Variants in ADAMTSL1 observed in about 807,000 individuals in gnomAD.
ADAMTSL1 encodes ADAMTS-like protein 1.
In ADAMTSL1, 126 loss-of-function variants were observed where a neutral mutation model predicts 201.8. That is an observed-to-expected ratio of 0.62 (90% CI 0.54 to 0.72). The LOEUF is 0.72. Ranked by LOEUF, ADAMTSL1 falls within the 30% of genes least tolerant of loss-of-function variation. The probability of loss-of-function intolerance (pLI) is 0.00; values close to 1 mark genes in which losing one functional copy is unlikely to be tolerated. For synonymous variants in ADAMTSL1, 1,121 were observed against 903.4 expected (o/e 1.24, Z -4.32); for missense variants, 2,679 against 2,277.8 (o/e 1.18, Z -3.59).
At chr9:18,772,058 A>G (rs1404074218) in intron 17 of ADAMTSL1, among the ~76,000 whole-genome samples, 1 of 152,220 alleles carries the variant, frequency 6.6e-6, no homozygotes, top group Non-Finnish European at 1.5e-5. Flanking sequence ...ATTTCAAGAT[A>G]TAAAGTGTGT....
intron 1 of ADAMTSL1, among the ~76,000 whole-genome samples, chr9:18,502,386 T>G (rs772466678): frequency 1.3e-5 from 2 of 152,222 alleles, no homozygotes; most frequent in African/African-American, 2.4e-5. Context: ...CCTCTCTCAG[T>G]AGTCAGCAAT....
intron 23 of ADAMTSL1, among the ~76,000 whole-genome samples, chr9:18,858,406 C>A (rs1280272740): frequency 6.6e-6 from 1 of 152,200 alleles, no homozygotes; most frequent in Admixed American, 6.5e-5. Flanking sequence ...CTCAACATCC[C>A]ATCCTGGACT....
intron 1 of ADAMTSL1, among the ~76,000 whole-genome samples, chr9:18,492,989 G>A (rs148183111): frequency 8.5e-5 from 13 of 152,278 alleles, no homozygotes; most frequent in African/African-American, 3.1e-4. Flanking sequence ...AAACTCAGCA[G>A]AACAGTAAAC....
At chr9:18,256,118 C>G (rs1233042420) in intron 2 of ADAMTSL1, among the ~76,000 whole-genome samples, 1 of 152,158 alleles carries the variant, frequency 6.6e-6, no homozygotes, top group Non-Finnish European at 1.5e-5. Context: ...TGACATAATG[C>G]TTCTCTGAGC....
chr9:17,936,786 C>T (rs747220552), intron 1 of ADAMTSL1, among the ~76,000 whole-genome samples: 15 of 152,176 alleles, frequency 9.9e-5, no homozygotes, highest in Admixed American at 1.3e-4. Context: ...CAGAAATTGG[C>T]CTGCTTTACT....
intron 1 of ADAMTSL1, among the ~76,000 whole-genome samples, chr9:18,016,448 A>G (rs1820265318): frequency 6.6e-6 from 1 of 151,914 alleles, no homozygotes; most frequent in African/African-American, 2.4e-5. Flanking sequence ...ATTCCATTGT[A>G]CTTGAAACTC....
At chr9:18,610,966 C>T (rs994162623) in intron 4 of ADAMTSL1, among the ~76,000 whole-genome samples, 1 of 152,138 alleles carries the variant, frequency 6.6e-6, no homozygotes, top group African/African-American at 2.4e-5. Context: ...CGGAGGTACA[C>T]GTGTGAGTTC....
chr9:18,508,605 C>G (rs1434585486), intron 2 of ADAMTSL1, among the ~76,000 whole-genome samples: 1 of 152,134 alleles, frequency 6.6e-6, no homozygotes, highest in Non-Finnish European at 1.5e-5. Flanking sequence ...GGGTTACAGC[C>G]TCATGTTTCA....
intron 23 of ADAMTSL1, among the ~76,000 whole-genome samples, chr9:18,849,010 A>G (rs1311130557): frequency 3.3e-5 from 5 of 152,358 alleles, no homozygotes; most frequent in Admixed American, 2.0e-4. Flanking sequence ...GAGCTGAGCT[A>G]TGGTCAAACC....
chr9:18,191,381 G>C (rs1303893201), intron 2 of ADAMTSL1, among the ~76,000 whole-genome samples: 1 of 152,138 alleles, frequency 6.6e-6, no homozygotes, highest in African/African-American at 2.4e-5. Flanking sequence ...TTGACTGGGA[G>C]GCCCAGAGAG....
chr9:18,328,387 G>A (rs919680836), intron 2 of ADAMTSL1, among the ~76,000 whole-genome samples: 3 of 152,206 alleles, frequency 2.0e-5, no homozygotes, highest in African/African-American at 7.2e-5. Context: ...GACATGAACT[G>A]TGACGTAACA....
intron 1 of ADAMTSL1, among the ~76,000 whole-genome samples, chr9:18,160,441 C>A (rs893078764): frequency 6.6e-6 from 1 of 151,968 alleles, no homozygotes; most frequent in South Asian, 2.1e-4. Context: ...GCCATACATA[C>A]AATTTCTCCA....
At chr9:18,053,333 C>T (rs1822022338) in intron 1 of ADAMTSL1, among the ~76,000 whole-genome samples, 3 of 151,954 alleles carry the variant, frequency 2.0e-5, no homozygotes, top group African/African-American at 7.3e-5. Flanking sequence ...CATTATATTG[C>T]ACTTTCATTC....
chr9:18,257,038 C>T (rs185444442), intron 2 of ADAMTSL1, among the ~76,000 whole-genome samples: 1 of 152,244 alleles, frequency 6.6e-6, no homozygotes, highest in East Asian at 1.9e-4. Flanking sequence ...ATATCTTCAA[C>T]TTATCTTAAA....
intron 2 of ADAMTSL1, among the ~76,000 whole-genome samples, chr9:18,529,300 T>C (rs1000935636): frequency 6.6e-6 from 1 of 152,248 alleles, no homozygotes; most frequent in African/African-American, 2.4e-5. Flanking sequence ...TAAACTGATA[T>C]AATAACAACA....
At chr9:18,848,112 C>T (rs904713303) in intron 23 of ADAMTSL1, among the ~76,000 whole-genome samples, 4 of 152,162 alleles carry the variant, frequency 2.6e-5, no homozygotes, top group African/African-American at 7.2e-5. Context: ...GGCACCTGCT[C>T]TGTCTGCCTG....
At chr9:18,742,817 A>G (rs1175402213) in intron 15 of ADAMTSL1, among the ~76,000 whole-genome samples, 1 of 152,218 alleles carries the variant, frequency 6.6e-6, no homozygotes, top group Non-Finnish European at 1.5e-5. Flanking sequence ...AATATAAAAT[A>G]GAGACAAACT....
intron 2 of ADAMTSL1, among the ~76,000 whole-genome samples, chr9:18,268,841 A>AT (rs1412174457): frequency 6.6e-6 from 1 of 151,996 alleles, no homozygotes; most frequent in African/African-American, 2.4e-5. Context: ...AGTTCATTAG[A>AT]TTTTTTTCTT....
At chr9:18,897,891 T>C (rs768222289) in intron 26 of ADAMTSL1, among the ~76,000 whole-genome samples, 5 of 152,070 alleles carry the variant, frequency 3.3e-5, no homozygotes, top group African/African-American at 9.7e-5. Flanking sequence ...AGACGGTGGA[T>C]AGTAGGCTGG....
Sources: gnomAD v4.1 joint callset for allele counts (sites outside exome capture counted in the v4.1 genomes callset) on GRCh38, gnomAD v4.1.1 for gene constraint, MANE v1.5 for transcripts, NCBI Gene and HGNC (gene_info 2026-07-23, HGNC 2026-07-21) for gene names.